SACS: variants seen among roughly 807,000 people sequenced by gnomAD.
SACS encodes the protein sacsin molecular chaperone, also known as sacsin.
SACS carries 197 observed loss-of-function variants against 348.0 expected under a neutral mutation model. That is an observed-to-expected ratio of 0.57 (90% CI 0.50 to 0.64). SACS has a LOEUF of 0.64. Ranked by LOEUF, SACS falls within the 30% of genes least tolerant of loss-of-function variation. The probability of loss-of-function intolerance (pLI) is 0.00; values close to 1 mark genes in which losing one functional copy is unlikely to be tolerated. For synonymous variants in SACS, 1,985 were observed against 1,910.6 expected (o/e 1.04, Z -1.02); for missense variants, 4,999 against 5,360.8 (o/e 0.93, Z 2.11).
At chr13:23,346,383 A>G (rs910532598) in intron 9 of SACS, among the ~76,000 whole-genome samples, 6 of 152,042 alleles carry the variant, frequency 3.9e-5, no homozygotes, top group African/African-American at 1.4e-4. Flanking sequence ...TGACCTCGTG[A>G]CCCACCTGCC....
At chr13:23,356,193 C>G (rs1870375847) in intron 7 of SACS, among the ~76,000 whole-genome samples, 186 bp from the exon 8 acceptor site, 8 of 152,162 alleles carry the variant, frequency 5.3e-5, no homozygotes, top group Admixed American at 5.2e-4. Flanking sequence ...TCTTTTGATT[C>G]AATCCAATAA....
chr13:23,368,494 T>C lies in SACS; in HGVS notation c.260-7A>G, dbSNP rs770550871. On this transcript the variant is annotated splice_polypyrimidine_tract_variant and splice_region_variant and intron_variant, in intron 4 of 9. Transcript: ENST00000382292. The stretch of plus-strand genomic sequence containing the variant: ...GTTGTCTGACCAAATCGACCTAAAA[T>C]ACGGAGCACATTTTAAGTGAGTTAG... 3.7e-6 allele frequency: 6 copies of C among 1,608,096 alleles called. No individual in the cohort carries two copies. In the Admixed American group the frequency reaches 8.4e-5, roughly 22 times the overall value.
Position 23,334,346 on chromosome 13 carries a change from T to C in SACS, c.9530A>G (p.Tyr3177Cys), listed in dbSNP as rs901358996. Reference sequence around the variant, plus strand: ...TTTGCGGGATGGAATCAATTCATGATATGTTGTTAGAAACTTGGGTCGTTT... The same window carrying C: ...TTTGCGGGATGGAATCAATTCATGACATGTTGTTAGAAACTTGGGTCGTTT... ...DAKRPKFLTTYHELIPSRKDL... is the reference protein window; with the variant it reads ...DAKRPKFLTTCHELIPSRKDL... Residue 3177 changes from tyrosine (Y) to cysteine (C), a missense_variant, in exon 10 of 10, where the codon TAT becomes TGT. Around this residue, in one of 6 missense-constraint regions of SACS, gnomAD observed 734 missense variants for 694.0 expected, o/e 1.06. Coordinates refer to ENST00000382292, the MANE Select transcript of SACS (RefSeq NM_014363.6). 14 of 1,612,222 alleles carry C rather than the reference T, an allele frequency of 8.7e-6. No individual in the cohort carries two copies. Among genetic ancestry groups the C allele is most frequent in the South Asian group, 1.1e-5 (1 of 90,808 alleles).
At chr13:23,429,345 A>AGTT (rs1874330416) in intron 1 of SACS, among the ~76,000 whole-genome samples, 1 of 51,464 alleles carries the variant, frequency 1.9e-5, no homozygotes, top group Non-Finnish European at 3.5e-5. Flanking sequence ...TGAGGTAGGG[A>AGTT]TTTTTTTTTT....
intron 7 of SACS, 84 bp from the exon 8 acceptor site, chr13:23,356,091 C>T (rs1052870732): frequency 1.2e-4 from 144 of 1,198,458 alleles, no homozygotes; most frequent in Non-Finnish European, 1.7e-4. Context: ...TATGAAAAAG[C>T]ATGAGCCATT....
Position 23,337,393 on chromosome 13 carries a change from A to G in SACS, c.6483T>C (p.Asp2161=). ...LGMAKDDILW[D]DMLERAVSVA... is the part of the protein sequence containing the mutation. ...CTGACACTGCACGTTCTAGCATATC[A>G]TCCCATAAAATATCATCTTTTGCCA... Residue 2161 remains aspartate (D), a synonymous_variant, in exon 10 of 10, where the codon GAT becomes GAC. Transcript: ENST00000382292. 6.2e-7 allele frequency: 1 copy of G among 1,613,186 alleles called. No individual in the cohort carries two copies. The highest frequency in any genetic ancestry group is 8.5e-7 in the Non-Finnish European group (1 of 1,179,648).
At position 23,355,668 on chromosome 13, in the gene SACS, T is replaced by G; in HGVS notation, c.944A>C (p.Asp315Ala). Reference sequence around the variant, plus strand: ...AGCCTCTCGGACATATAAGGAAACATCCTGCACACTTTTCAGAAAGAGCAG... The same window carrying G: ...AGCCTCTCGGACATATAAGGAAACAGCCTGCACACTTTTCAGAAAGAGCAG... Reference protein sequence around the residue: ...TVLLFLKSVQDVSLYVREADG... With the variant: ...TVLLFLKSVQAVSLYVREADG... Residue 315 changes from aspartate (D) to alanine (A), a missense_variant, in exon 8 of 10, where the codon GAT becomes GCT. Transcript: ENST00000382292. 1 of 1,614,148 alleles carries G rather than the reference T, an allele frequency of 6.2e-7. No individual in the cohort carries two copies. Among genetic ancestry groups the G allele is most frequent in the Non-Finnish European group, 8.5e-7 (1 of 1,180,032 alleles).
chr13:23,363,534 T>C (rs914040452), intron 6 of SACS, among the ~76,000 whole-genome samples: 1 of 152,220 alleles, frequency 6.6e-6, no homozygotes, highest in Non-Finnish European at 1.5e-5. Context: ...CCCACGTTTA[T>C]TTTAAATTGG....
At chr13:23,358,591 G>A in intron 6 of SACS, 110 bp from the exon 7 acceptor site, 2 of 1,066,386 alleles carry the variant, frequency 1.9e-6, no homozygotes, top group South Asian at 1.3e-5. Flanking sequence ...AAATAGAGAG[G>A]AGTGAATAGA....
At position 23,338,760 on chromosome 13, in the gene SACS, T is replaced by C; in HGVS notation, c.5116A>G (p.Ser1706Gly). ...ATTATTACTGTATCTTGTGCTAAAC[T>C]GGGGTTGGTTTCCTCAATTTTCAAG... ...KYLKIEETNP[S>G]LAQDTVIIKK... Residue 1706 changes from serine to glycine, a missense_variant, in exon 10 of 10, where the codon AGT becomes GGT. This residue lies in a region of SACS where 3,156 missense variants were observed against 3,380.1 expected (regional missense o/e 0.93). Transcript: ENST00000382292. 1 of 1,611,050 alleles carries C rather than the reference T, an allele frequency of 6.2e-7. No homozygotes were observed. The highest frequency in any genetic ancestry group is 8.5e-7 in the Non-Finnish European group (1 of 1,179,140).
intron 1 of SACS, among the ~76,000 whole-genome samples, chr13:23,422,213 CAA>C (rs139102215): frequency 0.013 from 1,927 of 152,240 alleles, 40 homozygotes; most frequent in African/African-American, 0.044. Context: ...TAGAATCTAA[CAA>C]ATGAGATTTC....
In SACS at chr13:23,333,031, G is replaced by A; in HGVS notation, c.10845C>T (p.Asn3615=). ...TATTTTGCAATGTTTCTTTGGACCA[G>A]TTTTCTGTATTAGCCCTCACACTGA... ...KEISVRANTE[N]WSKETLQNTV... The change falls in exon 10 of 10, where the codon AAC becomes AAT. Residue 3615 remains asparagine (N), a synonymous_variant. Coordinates refer to ENST00000382292, the MANE Select transcript of SACS (RefSeq NM_014363.6). 1 of 1,613,970 alleles carries A rather than the reference G, an allele frequency of 6.2e-7. No individual in the cohort carries two copies. The highest frequency in any genetic ancestry group is 1.3e-5 in the African/African-American group (1 of 75,038).
chr13:23,344,673 G>GT (rs2137661680), intron 9 of SACS, among the ~76,000 whole-genome samples: 1 of 152,326 alleles, frequency 6.6e-6, no homozygotes, highest in South Asian at 2.1e-4. Flanking sequence ...TTTTGTAGCA[G>GT]TTTAATAAAT....
chr13:23,356,624 C>T (rs1261770211), intron 7 of SACS, among the ~76,000 whole-genome samples: 2 of 152,356 alleles, frequency 1.3e-5, no homozygotes, highest in Non-Finnish European at 2.9e-5. Context: ...CCAGCTGCTT[C>T]ACCTGTTCCT....
rs202069311 is a variant in SACS, at chr13:23,331,164, T to C, written c.12712A>G (p.Ser4238Gly). Residue 4238 changes from serine (S) to glycine (G), a missense_variant, in exon 10 of 10, where the codon AGC becomes GGC. Transcript: ENST00000382292. The part of the protein sequence containing the change: ...DIGYSEYKIV[S>G]SLDLYKFSRP... Reference sequence around the variant, plus strand: ...GAAAACTTATACAGATCAAGAGAGCTAACTATTTTATATTCACTATAACCA... The same window carrying C: ...GAAAACTTATACAGATCAAGAGAGCCAACTATTTTATATTCACTATAACCA... 10 of 1,613,860 alleles carry C rather than the reference T, an allele frequency of 6.2e-6. 1 individual carries two copies. The East Asian group carries it at 2.2e-4, about 36-fold the overall frequency.
At chr13:23,366,444 C>A (rs1401082567) in intron 5 of SACS, among the ~76,000 whole-genome samples, 2 of 152,028 alleles carry the variant, frequency 1.3e-5, no homozygotes, top group African/African-American at 4.8e-5. Context: ...CTAACTATTT[C>A]TCATGGGATT....
intron 2 of SACS, among the ~76,000 whole-genome samples, chr13:23,376,543 C>T (rs984213981): frequency 6.6e-6 from 1 of 152,056 alleles, no homozygotes; most frequent in Non-Finnish European, 1.5e-5. Flanking sequence ...CTCCCTTCCC[C>T]CCAAAAAAAA....
chr13:23,429,223 T>C (rs1874320695), intron 1 of SACS, among the ~76,000 whole-genome samples: 2 of 152,116 alleles, frequency 1.3e-5, no homozygotes, highest in Admixed American at 1.3e-4. Context: ...CTAATAATAT[T>C]GACTTTTTGA....
intron 5 of SACS, among the ~76,000 whole-genome samples, chr13:23,367,936 A>G (rs1289676925): frequency 2.0e-5 from 3 of 152,238 alleles, no homozygotes; most frequent in Non-Finnish European, 2.9e-5. Flanking sequence ...ACATATTACA[A>G]AAAGAAATAA....
Sources: gnomAD v4.1 joint callset for allele counts (sites outside exome capture counted in the v4.1 genomes callset) on GRCh38, gnomAD v4.1.1 for gene constraint, gnomAD v4.1.1 regional missense constraint, MANE v1.5 for transcripts, NCBI Gene and HGNC (gene_info 2026-07-23, HGNC 2026-07-21) for gene names.